The following RBL1 variants were observed in gnomAD, a reference collection of about 807,000 sequenced individuals.
The protein encoded by RBL1 is retinoblastoma-like protein 1.
A neutral mutation model predicts 123.0 loss-of-function variants in RBL1; 82 were observed. The observed-to-expected ratio is 0.67, with a 90% CI of 0.56 to 0.80. The LOEUF is 0.80. RBL1 is among the 30% of genes least tolerant of loss of function. The probability of loss-of-function intolerance (pLI) is 0.00; values close to 1 mark genes in which losing one functional copy is unlikely to be tolerated. For missense variants in RBL1, 1,171 were observed against 1,299.6 expected (o/e 0.90, Z 1.52); for synonymous variants, 405 against 441.3 (o/e 0.92, Z 1.03).
intron 11 of RBL1, among the ~76,000 whole-genome samples, chr20:37,048,579 T>C (rs751154883): frequency 2.6e-5 from 4 of 152,172 alleles, no homozygotes; most frequent in Non-Finnish European, 5.9e-5. Flanking sequence ...AAGTCTCTAA[T>C]ACTATGTGAT....
intron 11 of RBL1, among the ~76,000 whole-genome samples, chr20:37,052,194 G>A: frequency 6.6e-6 from 1 of 151,722 alleles, no homozygotes; most frequent in African/African-American, 2.4e-5. Context: ...CACTATGCCT[G>A]GCCAATTGTT....
intron 20 of RBL1, 107 bp from the exon 21 acceptor site, chr20:37,003,973 TAAAAAGCTCATTTATGGTTGAGAAA>T (rs2064029174): frequency 1.0e-6 from 1 of 971,582 alleles, no homozygotes. Flanking sequence ...AGTTATACTG[TAAAAAGCTCATTTATGGTTGAGAAA>T]AAAAATGATC....
intron 11 of RBL1, among the ~76,000 whole-genome samples, chr20:37,050,167 T>C (rs572191161): frequency 2.6e-5 from 4 of 151,782 alleles, no homozygotes; most frequent in Non-Finnish European, 4.4e-5. Flanking sequence ...TTAGTAACTT[T>C]AGAGAACATG....
chr20:37,061,212 CT>C lies in RBL1; in HGVS notation c.1140del (p.Glu381LysfsTer14). On this transcript the variant is annotated frameshift_variant, in exon 9 of 22. Coordinates refer to ENST00000373664, the MANE Select transcript of RBL1 (RefSeq NM_002895.5). LOFTEE classifies it high-confidence loss of function. ...PLTGRRYLRE[K>X]EAVITPVASA... ...GATGCAACAGGAGTAATGACTGCTT[CT>C]TTTTCTCGTAAATATCTCCGTCCGG... is the stretch of plus-strand genomic sequence containing the variant. 1 of 1,614,118 alleles carries C rather than the reference CT, an allele frequency of 6.2e-7. No individual in the cohort carries two copies. Among genetic ancestry groups the C allele is most frequent in the South Asian group, 1.1e-5 (1 of 91,074 alleles).
chr20:37,013,515 A>C (rs987845622), intron 19 of RBL1, among the ~76,000 whole-genome samples: 1 of 149,606 alleles, frequency 6.7e-6, no homozygotes, highest in Non-Finnish European at 1.5e-5. Flanking sequence ...TTATCTGCTG[A>C]CCTTCCCTCC....
At chr20:37,084,846 A>T (rs1305523638) in intron 2 of RBL1, among the ~76,000 whole-genome samples, 2 of 152,066 alleles carry the variant, frequency 1.3e-5, no homozygotes, top group African/African-American at 4.8e-5. Flanking sequence ...GCTCACTGCA[A>T]CCTCCACCTC....
At position 37,022,813 on chromosome 20, in the gene RBL1, G is replaced by T. The variant is rs374505383; in HGVS notation, c.2396C>A (p.Ala799Glu). 7.5e-5 allele frequency: 120 copies of T among 1,607,878 alleles called. No homozygotes were observed. The highest frequency in any genetic ancestry group is 1.0e-4 in the Non-Finnish European group (120 of 1,177,028). ...ACATAGATCACGTAAGCGTACACTT[G>T]CCAAATGATAGACCTAAAATAGAAG... ...ALFYRKVYHLASVRLRDLCLK... is the reference protein window; with the variant it reads ...ALFYRKVYHLESVRLRDLCLK... Residue 799 changes from alanine to glutamate, a missense_variant, in exon 17 of 22, where the codon GCA (alanine) becomes GAA (glutamate). Coordinates refer to ENST00000373664, the MANE Select transcript of RBL1 (RefSeq NM_002895.5).
At chr20:37,013,740 C>T (rs956215494) in intron 19 of RBL1, among the ~76,000 whole-genome samples, 1 of 152,116 alleles carries the variant, frequency 6.6e-6, no homozygotes, top group Non-Finnish European at 1.5e-5. Context: ...TTCTGATCCA[C>T]GGTATTTGCT....
chr20:37,058,768 T>G (rs921145994), intron 9 of RBL1, among the ~76,000 whole-genome samples: 1 of 151,952 alleles, frequency 6.6e-6, no homozygotes, highest in Non-Finnish European at 1.5e-5. Context: ...TCTTTCCTTT[T>G]TTTTTTTTTG....
At chr20:37,043,946 C>T (rs372878086) in intron 13 of RBL1, 140 bp downstream of exon 13, 12 of 564,280 alleles carry the variant, frequency 2.1e-5, no homozygotes, top group African/African-American at 1.8e-4. Flanking sequence ...TATGGCTGCA[C>T]ATATCTATTT....
rs527375744 is a variant in RBL1, at chr20:37,011,998, G to A, written c.2723-4439C>T. Reference sequence around the variant, plus strand: ...CTGCCTCAGCCTGCCCAGTGCCTGCGATTGCAGGCGCGCGCTGTCACGCCT... The same window carrying A: ...CTGCCTCAGCCTGCCCAGTGCCTGCAATTGCAGGCGCGCGCTGTCACGCCT... On this transcript the variant is annotated intron_variant, in intron 19 of 21. Coordinates refer to ENST00000373664, the MANE Select transcript of RBL1 (RefSeq NM_002895.5). Among the ~76,000 whole-genome samples, 11 of 152,306 alleles carry A rather than the reference G, an allele frequency of 7.2e-5. No individual in the cohort carries two copies. In the East Asian group the frequency reaches 1.2e-3, roughly 16 times the overall value.
intron 16 of RBL1, among the ~76,000 whole-genome samples, chr20:37,032,242 C>A (rs1036604142): frequency 6.6e-6 from 1 of 151,836 alleles, no homozygotes; most frequent in African/African-American, 2.4e-5. Flanking sequence ...ATTATTCAGC[C>A]TTGAAAAGGA....
intron 11 of RBL1, among the ~76,000 whole-genome samples, 175 bp from the exon 12 acceptor site, chr20:37,047,365 G>C (rs2064832440): frequency 6.6e-6 from 1 of 152,046 alleles, no homozygotes; most frequent in Non-Finnish European, 1.5e-5. Flanking sequence ...ACCTATTCTT[G>C]CTCAGTGGGT....
At chr20:37,082,579 T>C (rs1051537795) in intron 2 of RBL1, among the ~76,000 whole-genome samples, 2 of 151,988 alleles carry the variant, frequency 1.3e-5, no homozygotes, top group Non-Finnish European at 2.9e-5. Flanking sequence ...TCAAAAATAA[T>C]TGGAAAAAAA....
chr20:37,059,282 A>G (rs2065058534), intron 9 of RBL1, among the ~76,000 whole-genome samples: 2 of 152,174 alleles, frequency 1.3e-5, no homozygotes, highest in Non-Finnish European at 1.5e-5. Context: ...ACTTTCTTGT[A>G]TCCTGAAGGT....
chr20:37,047,618 T>C (rs1246961614), intron 11 of RBL1, among the ~76,000 whole-genome samples: 5 of 152,190 alleles, frequency 3.3e-5, no homozygotes, highest in Non-Finnish European at 7.3e-5. Flanking sequence ...AAGTCCTACT[T>C]TACCATTAAG....
At chr20:37,058,764 C>CT (rs554281406) in intron 9 of RBL1, among the ~76,000 whole-genome samples, 456 of 142,532 alleles carry the variant, frequency 3.2e-3, no homozygotes, top group Middle Eastern at 0.011. Context: ...GATGTCTTTC[C>CT]TTTTTTTTTT....
At chr20:37,083,055 C>T (rs1034744372) in intron 2 of RBL1, among the ~76,000 whole-genome samples, 2 of 151,934 alleles carry the variant, frequency 1.3e-5, no homozygotes, top group Admixed American at 6.6e-5. Context: ...TTGAAAACAG[C>T]CCAAATTATT....
chr20:37,004,597 G>A (rs1005681021), intron 20 of RBL1, among the ~76,000 whole-genome samples: 2 of 149,012 alleles, frequency 1.3e-5, no homozygotes, highest in African/African-American at 4.9e-5. Context: ...CCTGTAATCC[G>A]AGCTATTTGG....
Sources: gnomAD v4.1 joint callset for allele counts (sites outside exome capture counted in the v4.1 genomes callset) on GRCh38, gnomAD v4.1.1 for gene constraint, MANE v1.5 for transcripts, NCBI Gene and HGNC (gene_info 2026-07-23, HGNC 2026-07-21) for gene names.